KIF22: variants seen among roughly 807,000 people sequenced by gnomAD.
KIF22 encodes the protein kinesin family member 22.
KIF22 carries 62 observed loss-of-function variants against 73.0 expected under a neutral mutation model. The ratio of observed to expected loss-of-function variants is 0.85; its 90% CI spans 0.69 to 1.05. KIF22 has a LOEUF of 1.05. Among genes scored for constraint, KIF22 ranks in the 50% least tolerant of loss-of-function variants. The pLI is 0.00. For missense variants in KIF22, 854 were observed against 870.1 expected, an observed-to-expected ratio of 0.98 and a Z score of 0.23; for synonymous variants, 411 against 340.1, an observed-to-expected ratio of 1.21 and a Z score of -2.29.
Position 29,805,376 on chromosome 16 carries a change from T to C in KIF22, c.*66T>C, listed in dbSNP as rs188427805. On this transcript the variant is annotated 3_prime_UTR_variant, in exon 14 of 14. Transcript: ENST00000160827. ...CCCCGTGTTGTGTAAATACAGTTTT[T>C]GCTCCGGTGCTTCCGCCTGATTTTT... 1.3e-6 allele frequency: 2 copies of C among 1,529,934 alleles called. No homozygotes were observed. Among genetic ancestry groups the C allele is most frequent in the Admixed American group, 3.4e-5 (2 of 59,368 alleles). 94.8% of individuals were successfully genotyped at this position (1,529,934 alleles called of 1,614,324 possible). A position where few individuals can be genotyped will look rare whatever the true frequency, so the allele number is the denominator to read the frequency against.
In KIF22 at chr16:29,799,767, G is replaced by C; in HGVS notation, c.1130G>C (p.Ser377Thr). 6.2e-7 allele frequency: 1 copy of C among 1,613,556 alleles called. No homozygotes were observed. Among genetic ancestry groups the C allele is most frequent in the African/African-American group, 1.3e-5 (1 of 75,030 alleles). ...EVINRPFTNE[S>T]LQPHALGPVK... Reference sequence around the variant, plus strand: ...ATCAATCGGCCTTTTACCAATGAGAGCCTGCAGCCTCATGGTGAGAACTGG... The same window carrying C: ...ATCAATCGGCCTTTTACCAATGAGACCCTGCAGCCTCATGGTGAGAACTGG... The change falls in exon 7 of 14, where the codon AGC (serine) becomes ACC (threonine). Residue 377 changes from serine (S) to threonine (T), a missense_variant. Coordinates refer to ENST00000160827, the MANE Select transcript of KIF22 (RefSeq NM_007317.3).
At chr16:29,803,708 C>T (rs571890821) in intron 10 of KIF22, 100 bp downstream of exon 10, 54 of 1,024,700 alleles carry the variant, frequency 5.3e-5, no homozygotes, top group East Asian at 2.8e-4. Context: ...TATTCTCCCA[C>T]CACATACCAG....
intron 1 of KIF22, chr16:29,791,135 A>G: frequency 7.5e-7 from 1 of 1,327,716 alleles, no homozygotes; most frequent in Non-Finnish European, 9.6e-7. Context: ...AACGGGGGTC[A>G]TGGCCTCATC....
At chr16:29,802,139 C>T (rs1289529182) in intron 8 of KIF22, among the ~76,000 whole-genome samples, 1 of 151,578 alleles carries the variant, frequency 6.6e-6, no homozygotes, top group Non-Finnish European at 1.5e-5. Flanking sequence ...TGGTGGCATG[C>T]ACCTGTGGAC....
At chr16:29,801,344 T>C (rs1015294251) in intron 8 of KIF22, among the ~76,000 whole-genome samples, 2 of 152,122 alleles carry the variant, frequency 1.3e-5, no homozygotes, top group Admixed American at 6.6e-5. Flanking sequence ...TTTCTACCCC[T>C]AGCCCAAATA....
Position 29,800,057 on chromosome 16 carries a change from T to C in KIF22, c.1280+9T>C. The C allele has an allele frequency of 6.2e-7, 1 of 1,606,040 alleles. No homozygotes were observed. The highest frequency in any genetic ancestry group is 8.5e-7 in the Non-Finnish European group (1 of 1,178,630). ...GCCTCCCAGAAACTCAGGTGAGCAG[T>C]GGGGCCTTGGGTGTATCCCCTTCCT... is the stretch of plus-strand genomic sequence containing the variant. On this transcript the variant is annotated intron_variant, in intron 8 of 13. Coordinates refer to ENST00000160827, the MANE Select transcript of KIF22 (RefSeq NM_007317.3).
At chr16:29,801,583 A>G (rs1368827557) in intron 8 of KIF22, among the ~76,000 whole-genome samples, 4 of 152,140 alleles carry the variant, frequency 2.6e-5, no homozygotes, top group Admixed American at 6.5e-5. Flanking sequence ...CACTCTGAGT[A>G]AGGGGAAGCT....
At position 29,798,415 on chromosome 16, in the gene KIF22, T is replaced by C; in HGVS notation, c.308T>C (p.Ile103Thr). ...GGGGAGAGGAGTACTCAGCAGGACATCTATGCAGGTTCAGTGCAGCCCATC... is the reference window on the plus strand; with the variant it reads ...GGGGAGAGGAGTACTCAGCAGGACACCTATGCAGGTTCAGTGCAGCCCATC... ...FYGERSTQQD[I>T]YAGSVQPILR... Residue 103 changes from isoleucine (I) to threonine (T), a missense_variant, in exon 3 of 14, where the codon ATC becomes ACC. By Grantham distance (89) the Ile-to-Thr change is moderately conservative. Around this residue, in one of 3 missense-constraint regions of KIF22, gnomAD observed 186 missense variants for 152.9 expected, o/e 1.22. Coordinates refer to ENST00000160827, the MANE Select transcript of KIF22 (RefSeq NM_007317.3). This position sits in a 1 kb window ranked among gnomAD's most constrained non-coding sequence, Gnocchi z 4.1. 6.2e-7 allele frequency: 1 copy of C among 1,613,040 alleles called. No individual in the cohort carries two copies. The highest frequency in any genetic ancestry group is 8.5e-7 in the Non-Finnish European group (1 of 1,179,624).
rs139450040 is a variant in KIF22, at chr16:29,803,551, C to G, written c.1552C>G (p.Arg518Gly). ...CACAATGCTCCGGCCCCTTTCACAT[C>G]GCACAGTCACAGGGGCAAAGCCCCT... The part of the protein sequence containing the change: ...CPTMLRPLSH[R>G]TVTGAKPLKK... Residue 518 changes from arginine (R) to glycine (G), a missense_variant, in exon 10 of 14, where the codon CGC (arginine) becomes GGC (glycine). Physicochemically the swap from Arg to Gly is moderately radical, Grantham distance 125 (BLOSUM62 -2). Around this residue, in one of 3 missense-constraint regions of KIF22, gnomAD observed 423 missense variants for 365.4 expected, o/e 1.16. Coordinates refer to ENST00000160827, the MANE Select transcript of KIF22 (RefSeq NM_007317.3). 6.2e-7 allele frequency: 1 copy of G among 1,613,822 alleles called. No individual in the cohort carries two copies. The highest frequency in any genetic ancestry group is 1.1e-5 in the South Asian group (1 of 90,982).
chr16:29,804,205 C>T (rs1399181193), intron 11 of KIF22, 140 bp downstream of exon 11: 5 of 712,202 alleles, frequency 7.0e-6, no homozygotes, highest in Non-Finnish European at 1.3e-5. Context: ...ACTTGCTTAC[C>T]CCTGGAATGT....
chr16:29,799,230 G>A (rs369142316), intron 5 of KIF22, 34 bp from the exon 6 acceptor site: 14 of 1,611,102 alleles, frequency 8.7e-6, no homozygotes, highest in Non-Finnish European at 6.8e-6. Flanking sequence ...CCAGGAGCCT[G>A]AGCTAAGCAC....
intron 1 of KIF22, among the ~76,000 whole-genome samples, chr16:29,791,840 T>C (rs1898827403): frequency 6.6e-6 from 1 of 152,226 alleles, no homozygotes; most frequent in Admixed American, 6.5e-5. Flanking sequence ...TTATCCCTGC[T>C]GGCTGAGCAC....
In KIF22 at chr16:29,803,594, T is replaced by C. The variant is rs982218861; in HGVS notation, c.1595T>C (p.Met532Thr). ...GAKPLKKAVV[M>T]PLQLIQEQAA... ...AAGCCCCTGAAAAAGGCTGTGGTGA[T>C]GCCCCTACAGCTAAGTAAGTTTGAC... is the stretch of plus-strand genomic sequence containing the variant. Residue 532 changes from methionine (M) to threonine (T), a missense_variant, in exon 10 of 14, where the codon ATG becomes ACG. By Grantham distance (81) the Met-to-Thr change is moderately conservative. This residue lies in a region of KIF22 where 423 missense variants were observed against 365.4 expected (regional missense o/e 1.16). Coordinates refer to ENST00000160827, the MANE Select transcript of KIF22 (RefSeq NM_007317.3). 3.1e-6 allele frequency: 5 copies of C among 1,610,788 alleles called. No individual in the cohort carries two copies. The Admixed American group carries it at 8.4e-5, about 27-fold the overall frequency.
intron 11 of KIF22, chr16:29,804,529 G>A (rs1899277199): frequency 1.5e-6 from 1 of 668,036 alleles, no homozygotes; most frequent in Non-Finnish European, 2.7e-6. Context: ...CCAGATTTAA[G>A]AGCTTATTTT....
chr16:29,796,284 AACACACAC>A (rs1407553871), intron 1 of KIF22, among the ~76,000 whole-genome samples: 1 of 146,614 alleles, frequency 6.8e-6, no homozygotes, highest in Admixed American at 6.8e-5. Context: ...AAAAAAAAAA[AACACACAC>A]ACACACACAC....
At chr16:29,791,087 C>T (rs1169522952) in intron 1 of KIF22, 1 of 1,368,178 alleles carries the variant, frequency 7.3e-7, no homozygotes, top group African/African-American at 1.5e-5. Flanking sequence ...GAACCCCGCG[C>T]ACTTTTTCTT....
At chr16:29,799,569 C>T (rs1567359298) in intron 6 of KIF22, 59 bp from the exon 7 acceptor site, 1 of 1,611,520 alleles carries the variant, frequency 6.2e-7, no homozygotes. Context: ...TGGGGAATAG[C>T]AGTTGAGGCA....
In KIF22 at chr16:29,798,733, A is replaced by G; in HGVS notation, c.535A>G (p.Ile179Val). The G allele has an allele frequency of 6.2e-7, 1 of 1,613,908 alleles. No homozygotes were observed. The highest frequency in any genetic ancestry group is 2.2e-5 in the East Asian group (1 of 44,862). ...TTCTGTCACCATGTCTTACCTAGAGATCTACCAGGAGAAGGTGAGGCCCCG... is the reference window on the plus strand; with the variant it reads ...TTCTGTCACCATGTCTTACCTAGAGGTCTACCAGGAGAAGGTGAGGCCCCG... ...ALSVTMSYLEIYQEKVLDLLD... is the reference protein window; with the variant it reads ...ALSVTMSYLEVYQEKVLDLLD... The change falls in exon 4 of 14, where the codon ATC becomes GTC. Residue 179 changes from isoleucine to valine, a missense_variant. This residue lies in a region of KIF22 where 245 missense variants were observed against 351.8 expected (regional missense o/e 0.70). Coordinates refer to ENST00000160827, the MANE Select transcript of KIF22 (RefSeq NM_007317.3). The surrounding 1 kb of genome is among the most constrained non-coding windows in gnomAD (Gnocchi z 4.1).
chr16:29,804,353 C>T (rs1197334983), intron 11 of KIF22: 1 of 601,946 alleles, frequency 1.7e-6, no homozygotes, highest in African/African-American at 1.9e-5. Context: ...GAACTATGAC[C>T]TAAGCAGTCA....
Sources: allele counts gnomAD v4.1 joint callset (sites outside exome capture counted in the v4.1 genomes callset), GRCh38; gene constraint gnomAD v4.1.1; regional missense constraint gnomAD v4.1.1; non-coding constraint Gnocchi (gnomAD v3.1); transcripts MANE v1.5; gene names NCBI Gene and HGNC (gene_info 2026-07-23, HGNC 2026-07-21).